Variants in ARHGAP42 observed in about 807,000 individuals in gnomAD.
ARHGAP42 encodes Rho GTPase activating protein 42, also known as rho GTPase-activating protein 42.
ARHGAP42 carries 63 observed loss-of-function variants against 125.0 expected under a neutral mutation model. That is an observed-to-expected ratio of 0.50 (90% confidence interval 0.41 to 0.62). The LOEUF (loss-of-function observed/expected upper bound fraction) is 0.62, where lower values mean the gene tolerates loss of function less well. Among genes scored for constraint, ARHGAP42 ranks in the 20% least tolerant of loss-of-function variants. ARHGAP42 has a pLI of 0.00. For missense variants in ARHGAP42, 766 were observed against 1,024.2 expected (o/e 0.75, Z 3.44); for synonymous variants, 339 against 351.0 (o/e 0.97, Z 0.38).
intron 11 of ARHGAP42, among the ~76,000 whole-genome samples, chr11:100,949,593 C>G (rs1194120014): frequency 1.3e-5 from 2 of 152,116 alleles, no homozygotes; most frequent in Non-Finnish European, 2.9e-5. Context: ...AGGAGCAATT[C>G]CGGAAATCCA....
intron 6 of ARHGAP42, among the ~76,000 whole-genome samples, chr11:100,927,667 A>G (rs1483108048): frequency 6.6e-6 from 1 of 152,196 alleles, no homozygotes; most frequent in East Asian, 1.9e-4. Flanking sequence ...TGTAAAGATA[A>G]GCTGGCTATT....
At chr11:100,898,773 TG>T (rs1866433246) in intron 4 of ARHGAP42, among the ~76,000 whole-genome samples, 1 of 152,184 alleles carries the variant, frequency 6.6e-6, no homozygotes, top group Non-Finnish European at 1.5e-5. Flanking sequence ...TCAATTTTGT[TG>T]ATCTTTTCAA....
chr11:100,719,169 G>A (rs1306436953), intron 1 of ARHGAP42, among the ~76,000 whole-genome samples: 1 of 152,150 alleles, frequency 6.6e-6, no homozygotes, highest in Non-Finnish European at 1.5e-5. Context: ...ACAGCTAAAC[G>A]AATTCACATT....
intron 1 of ARHGAP42, among the ~76,000 whole-genome samples, chr11:100,700,209 A>T (rs1280562988): frequency 2.0e-5 from 3 of 152,218 alleles, no homozygotes; most frequent in Admixed American, 2.0e-4. Flanking sequence ...AAATGTGCAG[A>T]CCTTAATTAC....
At chr11:100,707,514 A>G (rs1221018716) in intron 1 of ARHGAP42, among the ~76,000 whole-genome samples, 1 of 152,214 alleles carries the variant, frequency 6.6e-6, no homozygotes, top group Non-Finnish European at 1.5e-5. Context: ...TTATAGATGG[A>G]TAACTATTTT....
At chr11:100,987,728 A>G (rs972283295) in intron 23 of ARHGAP42, 136 bp downstream of exon 23, 5 of 781,658 alleles carry the variant, frequency 6.4e-6, no homozygotes, top group East Asian at 2.7e-5. Context: ...ACGGGCATGC[A>G]TGAACACATC....
At chr11:100,971,589 G>A (rs560514408) in intron 17 of ARHGAP42, among the ~76,000 whole-genome samples, 15 of 152,250 alleles carry the variant, frequency 9.9e-5, no homozygotes, top group Admixed American at 2.0e-4. Flanking sequence ...TCCATCTTCT[G>A]TGCAATGTAG....
At chr11:100,717,923 T>TAAA (rs1555109759) in intron 1 of ARHGAP42, among the ~76,000 whole-genome samples, 2 of 140,888 alleles carry the variant, frequency 1.4e-5, no homozygotes, top group African/African-American at 2.6e-5. Context: ...GACTCTGCCT[T>TAAA]AAAAAAAAAA....
intron 1 of ARHGAP42, among the ~76,000 whole-genome samples, chr11:100,698,899 C>T (rs1861340376): frequency 2.0e-5 from 3 of 152,068 alleles, no homozygotes. Flanking sequence ...AAAAACAATT[C>T]TGGTTTTCCT....
At chr11:100,792,901 C>A (rs1289199191) in intron 2 of ARHGAP42, among the ~76,000 whole-genome samples, 2 of 151,980 alleles carry the variant, frequency 1.3e-5, no homozygotes, top group East Asian at 3.9e-4. Flanking sequence ...TACAGGTGCC[C>A]GCCACCACGC....
chr11:100,723,203 G>C (rs1805862693), intron 1 of ARHGAP42, among the ~76,000 whole-genome samples: 1 of 152,112 alleles, frequency 6.6e-6, no homozygotes, highest in Admixed American at 6.5e-5. Context: ...GGTGAGTCTT[G>C]AAGTCAGGTG....
intron 4 of ARHGAP42, among the ~76,000 whole-genome samples, chr11:100,879,378 G>A (rs1315017737): frequency 3.3e-5 from 5 of 152,286 alleles, no homozygotes; most frequent in Non-Finnish European, 5.9e-5. Flanking sequence ...GTGCTTAACT[G>A]TCAATCAGTT....
At chr11:100,836,204 T>C (rs891399667) in intron 3 of ARHGAP42, among the ~76,000 whole-genome samples, 1 of 152,132 alleles carries the variant, frequency 6.6e-6, no homozygotes, top group Non-Finnish European at 1.5e-5. Flanking sequence ...TTTAATCTTC[T>C]GATTTCATAA....
At chr11:100,753,396 G>A (rs1862503784) in intron 1 of ARHGAP42, among the ~76,000 whole-genome samples, 1 of 152,132 alleles carries the variant, frequency 6.6e-6, no homozygotes, top group South Asian at 2.1e-4. Context: ...CTTTTCCTTG[G>A]AGACAGGAAC....
chr11:100,775,935 G>A (rs1484889294), intron 2 of ARHGAP42, among the ~76,000 whole-genome samples: 11 of 152,148 alleles, frequency 7.2e-5, no homozygotes, highest in South Asian at 2.1e-4. Flanking sequence ...TGAGGCGGGC[G>A]GATCACCTGA....
chr11:100,855,335 G>A (rs1331139378), intron 3 of ARHGAP42, among the ~76,000 whole-genome samples: 1 of 152,078 alleles, frequency 6.6e-6, no homozygotes, highest in African/African-American at 2.4e-5. Flanking sequence ...GATGAGCTGT[G>A]ACTGGCACCA....
intron 3 of ARHGAP42, among the ~76,000 whole-genome samples, chr11:100,819,648 A>G (rs540252021): frequency 6.6e-6 from 1 of 152,266 alleles, no homozygotes; most frequent in Admixed American, 6.5e-5. Flanking sequence ...ATAGGAGGAT[A>G]ATAATAGCAC....
At chr11:100,875,911 C>A (rs1429287994) in intron 4 of ARHGAP42, among the ~76,000 whole-genome samples, 1 of 151,996 alleles carries the variant, frequency 6.6e-6, no homozygotes, top group Non-Finnish European at 1.5e-5. Flanking sequence ...GTGTCTCTTA[C>A]CTGTTTATGT....
chr11:100,807,167 T>C (rs1019125981), intron 3 of ARHGAP42, among the ~76,000 whole-genome samples: 8 of 151,408 alleles, frequency 5.3e-5, no homozygotes, highest in Non-Finnish European at 7.4e-5. Flanking sequence ...TATTTTTTAA[T>C]TGTGCAAAGA....
Sources: gnomAD v4.1 joint callset for allele counts (sites outside exome capture counted in the v4.1 genomes callset) on GRCh38, gnomAD v4.1.1 for gene constraint, MANE v1.5 for transcripts, NCBI Gene and HGNC (gene_info 2026-07-23, HGNC 2026-07-21) for gene names.